MARCHF5: variants seen among roughly 807,000 people sequenced by gnomAD.
The protein encoded by MARCHF5 is E3 ubiquitin-protein ligase MARCHF5.
MARCHF5 carries 5 observed loss-of-function variants against 36.5 expected under a neutral mutation model. The observed-to-expected ratio is 0.14, with a 90% CI of 0.07 to 0.29. The LOEUF (loss-of-function observed/expected upper bound fraction) is 0.29. MARCHF5 is among the 10% of genes least tolerant of loss of function. The pLI is 1.00. For synonymous variants in MARCHF5, 103 were observed against 109.9 expected, an observed-to-expected ratio of 0.94 and a Z score of 0.39; for missense variants, 179 against 336.3, an observed-to-expected ratio of 0.53 and a Z score of 3.66.
At chr10:92,304,369 A>T (rs180733162) in intron 1 of MARCHF5, among the ~76,000 whole-genome samples, 1 of 152,242 alleles carries the variant, frequency 6.6e-6, no homozygotes, top group Non-Finnish European at 1.5e-5. Flanking sequence ...GGACCTTAAC[A>T]TAAAACATTT....
rs1404514276 is a variant in MARCHF5, at chr10:92,351,474, A to C, written c.*267A>C. ...AGCATGGTAAACCTGGGTTTTGTTC[A>C]TATTTTCTCCAGACAGAAATGCAAA... On this transcript the variant is annotated 3_prime_UTR_variant, in exon 6 of 6. Coordinates refer to ENST00000358935, the MANE Select transcript of MARCHF5 (RefSeq NM_017824.5). The C allele has an allele frequency of 3.9e-6, 1 of 254,486 alleles. No individual in the cohort carries two copies. The highest frequency in any genetic ancestry group is 5.4e-5 in the Admixed American group (1 of 18,670). The allele number at this position is 254,486 out of a possible 1,614,324, so 15.8% of individuals were successfully genotyped here. A position where few individuals can be genotyped will look rare whatever the true frequency, so the allele number is the denominator to read the frequency against.
chr10:92,297,545 A>G (rs192814222), intron 1 of MARCHF5, among the ~76,000 whole-genome samples: 11 of 145,976 alleles, frequency 7.5e-5, no homozygotes, highest in Non-Finnish European at 1.3e-4. Flanking sequence ...CTGGAGTGCA[A>G]TGGCGTGGTC....
At chr10:92,299,475 C>T (rs1445802786) in intron 1 of MARCHF5, among the ~76,000 whole-genome samples, 1 of 152,260 alleles carries the variant, frequency 6.6e-6, no homozygotes, top group Non-Finnish European at 1.5e-5. Flanking sequence ...GTGCCTTCCT[C>T]CCTCCTAACA....
chr10:92,330,188 G>A (rs988487279), intron 2 of MARCHF5, among the ~76,000 whole-genome samples: 4 of 152,104 alleles, frequency 2.6e-5, no homozygotes, highest in Non-Finnish European at 5.9e-5. Flanking sequence ...TTCTTGTGAG[G>A]CAAATGACTA....
intron 2 of MARCHF5, among the ~76,000 whole-genome samples, chr10:92,314,514 C>T (rs1322346879): frequency 4.0e-5 from 6 of 151,878 alleles, no homozygotes; most frequent in Admixed American, 2.6e-4. Flanking sequence ...TGGTGGCAGG[C>T]GCCTGTAATC....
In MARCHF5 at chr10:92,349,666, T is replaced by G; in HGVS notation, c.554-5T>G. 1 of 1,612,366 alleles carries G rather than the reference T, an allele frequency of 6.2e-7. No individual in the cohort carries two copies. The highest frequency in any genetic ancestry group is 8.5e-7 in the Non-Finnish European group (1 of 1,179,476). On this transcript the variant is annotated splice_polypyrimidine_tract_variant and splice_region_variant and intron_variant, in intron 4 of 5. Coordinates refer to ENST00000358935, the MANE Select transcript of MARCHF5 (RefSeq NM_017824.5). The stretch of plus-strand genomic sequence containing the variant: ...GCACTAACGCACTGCATTTTTTTCC[T>G]CTAGGGATAGGTTGTCCTGTTCCTC...
chr10:92,326,082 G>A (rs1273826457), intron 2 of MARCHF5, among the ~76,000 whole-genome samples: 3 of 152,176 alleles, frequency 2.0e-5, no homozygotes, highest in Non-Finnish European at 4.4e-5. Flanking sequence ...AATGTTAAGT[G>A]GAGTGTAAAT....
chr10:92,295,031 C>T (rs75404766), intron 1 of MARCHF5, among the ~76,000 whole-genome samples: 9 of 151,684 alleles, frequency 5.9e-5, no homozygotes, highest in Non-Finnish European at 1.3e-4. Context: ...AAGACCCTGT[C>T]TTAAAAAAAA....
intron 2 of MARCHF5, among the ~76,000 whole-genome samples, chr10:92,319,430 G>C (rs551118167): frequency 1.8e-4 from 27 of 151,178 alleles, no homozygotes; most frequent in Non-Finnish European, 3.5e-4. Context: ...CGTGTAGCTG[G>C]GACTACAGGC....
intron 1 of MARCHF5, among the ~76,000 whole-genome samples, chr10:92,298,611 G>A (rs1486419036): frequency 5.9e-5 from 9 of 152,062 alleles, no homozygotes; most frequent in East Asian, 1.9e-4. Flanking sequence ...TGGCTCTGTC[G>A]CCCAGGCTGG....
In MARCHF5 at chr10:92,291,207, C is replaced by T. The variant is rs1842850500; in HGVS notation, c.-288C>T. The stretch of plus-strand genomic sequence containing the variant: ...CTCCTCCGCCGGCAGCAACTCGGCG[C>T]CCGCGGTCCATGGACCGGAACCTCG... On this transcript the variant is annotated 5_prime_UTR_variant, in exon 1 of 6. Transcript: ENST00000358935. 9.7e-6 allele frequency: 5 copies of T among 514,896 alleles called. No individual in the cohort carries two copies. Among genetic ancestry groups the T allele is most frequent in the Middle Eastern group, 1.0e-3 (2 of 1,992 alleles). 31.9% of individuals were successfully genotyped at this position (514,896 alleles called of 1,614,324 possible).
At chr10:92,304,807 A>G (rs1429105301) in intron 1 of MARCHF5, among the ~76,000 whole-genome samples, 1 of 152,004 alleles carries the variant, frequency 6.6e-6, no homozygotes, top group Admixed American at 6.6e-5. Context: ...CCCACCCCCT[A>G]AGTTTTTCAT....
chr10:92,341,169 G>A (rs907161282), intron 3 of MARCHF5, among the ~76,000 whole-genome samples: 4 of 152,090 alleles, frequency 2.6e-5, no homozygotes, highest in South Asian at 2.1e-4. Context: ...TCAGGAGGCC[G>A]AGGCAGGTGG....
At chr10:92,319,801 C>T (rs940936861) in intron 2 of MARCHF5, among the ~76,000 whole-genome samples, 2 of 149,850 alleles carry the variant, frequency 1.3e-5, no homozygotes, top group East Asian at 2.0e-4. Flanking sequence ...ATTACAGGCA[C>T]CTGCCACCGT....
rs573023719 is a variant in MARCHF5, at chr10:92,304,095, G to A, written c.36-7040G>A. ...TAAATGAATCTTAAGATCTTAAGTA[G>A]TGGCGTGGCCTGTTGAAAAATTGGG... is the stretch of plus-strand genomic sequence containing the variant. On this transcript the variant is annotated intron_variant, in intron 1 of 5. Transcript: ENST00000358935. Among the ~76,000 whole-genome samples, 3 of 152,340 alleles carry A rather than the reference G, an allele frequency of 2.0e-5. No individual in the cohort carries two copies. The South Asian group carries it at 6.2e-4, about 32-fold the overall frequency.
Position 92,307,495 on chromosome 10 carries a change from G to A in MARCHF5, c.36-3640G>A, listed in dbSNP as rs142709606. ...ACGCCCAAAACTTTGGGAATCCAAGGCAGGAGAATTGCTTGAGCCCAGGAG... is the reference window on the plus strand; with the variant it reads ...ACGCCCAAAACTTTGGGAATCCAAGACAGGAGAATTGCTTGAGCCCAGGAG... On this transcript the variant is annotated intron_variant, in intron 1 of 5. Coordinates refer to ENST00000358935, the MANE Select transcript of MARCHF5 (RefSeq NM_017824.5). 3.3e-3 allele frequency among the ~76,000 whole-genome samples: 505 copies of A among 152,216 alleles called. 2 individuals carry two copies. Among genetic ancestry groups the A allele is most frequent in the African/African-American group, 0.012 (482 of 41,522 alleles).
intron 2 of MARCHF5, among the ~76,000 whole-genome samples, chr10:92,328,436 G>T (rs1843393657): frequency 7.2e-6 from 1 of 139,602 alleles, no homozygotes; most frequent in African/African-American, 2.7e-5. Flanking sequence ...TAATTCTTTT[G>T]GGTTCTTTTT....
intron 2 of MARCHF5, among the ~76,000 whole-genome samples, chr10:92,318,602 G>T (rs773719167): frequency 1.8e-4 from 28 of 151,402 alleles, no homozygotes; most frequent in Non-Finnish European, 3.7e-4. Flanking sequence ...GTGCACCTGG[G>T]GTCGCAGCTA....
intron 1 of MARCHF5, among the ~76,000 whole-genome samples, chr10:92,300,242 G>A (rs904596758): frequency 6.6e-6 from 1 of 151,874 alleles, no homozygotes; most frequent in African/African-American, 2.4e-5. Flanking sequence ...CACTTTGGGA[G>A]GCCGAGAGGA....
Sources: gnomAD v4.1 joint callset for allele counts (sites outside exome capture counted in the v4.1 genomes callset) on GRCh38, gnomAD v4.1.1 for gene constraint, MANE v1.5 for transcripts, NCBI Gene and HGNC (gene_info 2026-07-23, HGNC 2026-07-21) for gene names.